The following MIPOL1 variants were observed in gnomAD, a reference collection of about 807,000 sequenced individuals.
The protein encoded by MIPOL1 is mirror-image polydactyly gene 1 protein.
Under a neutral mutation model 60.9 loss-of-function variants are expected in MIPOL1, and 57 were observed. That is an observed-to-expected ratio of 0.94 (90% CI 0.76 to 1.17). The LOEUF is 1.17. MIPOL1 is among the 50% of genes most tolerant of loss of function. The pLI, the probability that MIPOL1 is intolerant of heterozygous loss-of-function variation, is 0.00. For synonymous variants in MIPOL1, 179 were observed against 168.8 expected (o/e 1.06, Z -0.47); for missense variants, 551 against 511.6 (o/e 1.08, Z -0.74).
At chr14:37,433,415 C>G (rs1190864435) in intron 11 of MIPOL1, among the ~76,000 whole-genome samples, 1 of 152,096 alleles carries the variant, frequency 6.6e-6, no homozygotes, top group Non-Finnish European at 1.5e-5. Flanking sequence ...GGTCCCCTTC[C>G]TGTGTCCATG....
rs368605885 is a variant in MIPOL1, at chr14:37,205,704, T to A, written c.-199+7600T>A. Among the ~76,000 whole-genome samples, 23 of 152,046 alleles carry A rather than the reference T, an allele frequency of 1.5e-4. 2 individuals carry two copies. The highest frequency in any genetic ancestry group is 5.5e-4 in the African/African-American group (23 of 41,478). ...TCATTGTTCAGTTCCCACCTATGAG[T>A]GAGAACTTGCGGTGTTTGGTTTTCT... is the stretch of plus-strand genomic sequence containing the variant. On this transcript the variant is annotated intron_variant, in intron 1 of 12. Coordinates refer to ENST00000684589, the MANE Select transcript of MIPOL1 (RefSeq NM_001388067.1).
At chr14:37,342,733 A>G (rs914074009) in intron 9 of MIPOL1, among the ~76,000 whole-genome samples, 1 of 152,056 alleles carries the variant, frequency 6.6e-6, no homozygotes, top group Non-Finnish European at 1.5e-5. Flanking sequence ...CTTTTTATGA[A>G]TACAGTTAAC....
At chr14:37,444,938 A>C (rs999419224) in intron 11 of MIPOL1, among the ~76,000 whole-genome samples, 1 of 152,200 alleles carries the variant, frequency 6.6e-6, no homozygotes, top group African/African-American at 2.4e-5. Flanking sequence ...AAATAATAAG[A>C]GCTATCTATG....
chr14:37,462,977 G>A (rs546584837), intron 11 of MIPOL1, among the ~76,000 whole-genome samples: 21 of 152,102 alleles, frequency 1.4e-4, no homozygotes, highest in Non-Finnish European at 2.6e-4. Flanking sequence ...CCACATTTTC[G>A]GGTATCTTTT....
intron 1 of MIPOL1, among the ~76,000 whole-genome samples, chr14:37,235,991 A>ATCTCG (rs1391548763): frequency 1.3e-5 from 2 of 151,108 alleles, no homozygotes; most frequent in African/African-American, 4.9e-5. Flanking sequence ...CAGTGGCACG[A>ATCTCG]TCTCGGCTCA....
chr14:37,268,578 T>C, intron 4 of MIPOL1, 80 bp from the exon 5 acceptor site: 3 of 1,066,282 alleles, frequency 2.8e-6, no homozygotes, highest in Non-Finnish European at 4.1e-6. Flanking sequence ...TACAAGTTGA[T>C]ACTGTTCTCA....
chr14:37,484,676 G>A (rs2094921627), intron 11 of MIPOL1, among the ~76,000 whole-genome samples: 1 of 152,002 alleles, frequency 6.6e-6, no homozygotes, highest in South Asian at 2.1e-4. Flanking sequence ...CTGAAGTTGT[G>A]ATAGTTTTTT....
intron 1 of MIPOL1, among the ~76,000 whole-genome samples, chr14:37,204,191 C>A (rs1208725800): frequency 1.3e-5 from 2 of 152,022 alleles, no homozygotes; most frequent in African/African-American, 2.4e-5. Context: ...TCGATTCCAG[C>A]CTTTTGAGAG....
chr14:37,209,974 G>A (rs1220093627), intron 1 of MIPOL1, among the ~76,000 whole-genome samples: 3 of 151,866 alleles, frequency 2.0e-5, no homozygotes, highest in Non-Finnish European at 4.4e-5. Context: ...GACTCTCAAA[G>A]TACTGATTAC....
At chr14:37,319,575 T>A (rs1567449143) in intron 9 of MIPOL1, among the ~76,000 whole-genome samples, 2 of 152,174 alleles carry the variant, frequency 1.3e-5, no homozygotes, top group African/African-American at 4.8e-5. Context: ...GAACCTATTA[T>A]AATTGAGGCA....
intron 11 of MIPOL1, among the ~76,000 whole-genome samples, chr14:37,444,458 G>T (rs1046102900): frequency 2.6e-5 from 4 of 152,116 alleles, no homozygotes; most frequent in African/African-American, 9.7e-5. Context: ...TCTCCAAATT[G>T]ATCTGCAGGC....
intron 10 of MIPOL1, among the ~76,000 whole-genome samples, chr14:37,398,553 A>T (rs1023098763): frequency 6.6e-6 from 1 of 152,152 alleles, no homozygotes; most frequent in Non-Finnish European, 1.5e-5. Flanking sequence ...GGCCATCAAC[A>T]ATAATAGCCA....
chr14:37,499,920 T>C lies in MIPOL1; in HGVS notation c.1044T>C (p.Ser348=). ...AATATTTTCTCAGTTTACACAAATC[T>C]TTATCTCAAGAAGAAAATCTGAAGG... ...TLRVYYSLHK[S]LSQEENLKDQ... is the part of the protein sequence containing the mutation. Residue 348 remains serine (S), a synonymous_variant, in exon 12 of 13, where the codon TCT becomes TCC. Transcript: ENST00000684589. The C allele has an allele frequency of 1.3e-6, 2 of 1,573,518 alleles. No homozygotes were observed. The highest frequency in any genetic ancestry group is 3.5e-5 in the Admixed American group (2 of 56,834).
chr14:37,539,246 C>G (rs570041759), intron 12 of MIPOL1, among the ~76,000 whole-genome samples: 1 of 152,128 alleles, frequency 6.6e-6, no homozygotes, highest in South Asian at 2.1e-4. Flanking sequence ...GAGCCAAGCC[C>G]AAATTGACAT....
chr14:37,325,695 A>G (rs144674057), intron 9 of MIPOL1, among the ~76,000 whole-genome samples: 50 of 152,116 alleles, frequency 3.3e-4, no homozygotes, highest in African/African-American at 1.1e-3. Flanking sequence ...TTTTTGAAGG[A>G]TATTTTCACT....
intron 11 of MIPOL1, among the ~76,000 whole-genome samples, chr14:37,451,254 T>C (rs1382329252): frequency 6.6e-6 from 1 of 152,180 alleles, no homozygotes; most frequent in Non-Finnish European, 1.5e-5. Flanking sequence ...TTCATCTCTG[T>C]ACCTTATCTC....
chr14:37,224,170 G>C (rs931732724), intron 1 of MIPOL1, among the ~76,000 whole-genome samples: 2 of 152,152 alleles, frequency 1.3e-5, no homozygotes, highest in African/African-American at 4.8e-5. Context: ...CTGAGTGAAA[G>C]AGAACTCTGT....
intron 9 of MIPOL1, among the ~76,000 whole-genome samples, chr14:37,359,501 T>G (rs2092088846): frequency 6.6e-6 from 1 of 152,202 alleles, no homozygotes; most frequent in Non-Finnish European, 1.5e-5. Flanking sequence ...TGTCTCTTCT[T>G]TTATTTCCTT....
intron 1 of MIPOL1, among the ~76,000 whole-genome samples, chr14:37,222,038 G>A (rs904410294): frequency 6.6e-6 from 1 of 151,990 alleles, no homozygotes; most frequent in African/African-American, 2.4e-5. Flanking sequence ...GAAACTCAAG[G>A]TGCTATCATC....
Sources: allele counts gnomAD v4.1 joint callset (sites outside exome capture counted in the v4.1 genomes callset), GRCh38; gene constraint gnomAD v4.1.1; transcripts MANE v1.5; gene names NCBI Gene and HGNC (gene_info 2026-07-23, HGNC 2026-07-21).